The following RNF5 variants were observed in gnomAD, a reference collection of about 807,000 sequenced individuals.
RNF5 encodes ring finger protein 5.
In RNF5, 16 loss-of-function variants were observed where a neutral mutation model predicts 24.4. The observed-to-expected ratio is 0.66, with a 90% CI of 0.44 to 1.00. The LOEUF is 1.00. Ranked by LOEUF, RNF5 falls within the 50% of genes least tolerant of loss-of-function variation. RNF5 has a pLI of 0.00. For synonymous variants in RNF5, 64 were observed against 88.5 expected, an observed-to-expected ratio of 0.72 and a Z score of 1.55; for missense variants, 185 against 236.7, an observed-to-expected ratio of 0.78 and a Z score of 1.43.
In RNF5 at chr6:32,180,298, T is replaced by C; in HGVS notation, c.515T>C (p.Phe172Ser). The change falls in exon 6 of 6, where the codon TTC becomes TCC. Residue 172 changes from phenylalanine to serine, a missense_variant. Physicochemically the swap from Phe to Ser is radical, Grantham distance 155. Coordinates refer to ENST00000375094, the MANE Select transcript of RNF5 (RefSeq NM_006913.4). ...QDSLFLFLAI[F>S]FFFWLLSI ...TCCCTCTTCCTGTTTCTCGCCATCT[T>C]CTTCTTTTTTTGGCTGCTCAGTATT... The C allele has an allele frequency of 1.2e-6, 2 of 1,610,340 alleles. No homozygotes were observed. Among genetic ancestry groups the C allele is most frequent in the East Asian group, 4.5e-5 (2 of 44,886 alleles).
rs1417477895 is a variant in RNF5, at chr6:32,180,259, C to T, written c.476C>T (p.Ser159Phe). Residue 159 changes from serine (S) to phenylalanine (F), a missense_variant, in exon 6 of 6, where the codon TCC becomes TTC. By Grantham distance (155) the Ser-to-Phe change is radical. Coordinates refer to ENST00000375094, the MANE Select transcript of RNF5 (RefSeq NM_006913.4). ...GATCTGGGACAGGGTCACCCAGCCT[C>T]CAGCTGGCAGGATTCCCTCTTCCTG... is the stretch of plus-strand genomic sequence containing the variant. ...GVDLGQGHPA[S>F]SWQDSLFLFL... The T allele has an allele frequency of 2.5e-5, 41 of 1,612,020 alleles. No individual in the cohort carries two copies. Among genetic ancestry groups the T allele is most frequent in the Non-Finnish European group, 3.3e-5 (39 of 1,179,876 alleles).
chr6:32,180,357 A>G lies in RNF5; in HGVS notation c.*31A>G. ...GTCTGCTTCCTGCCCACCTCCAGCC[A>G]GAGAAGAATCAGTATTGAGGGTCCC... On this transcript the variant is annotated 3_prime_UTR_variant, in exon 6 of 6. Transcript: ENST00000375094. 1 of 1,583,590 alleles carries G rather than the reference A, an allele frequency of 6.3e-7. No individual in the cohort carries two copies. Among genetic ancestry groups the G allele is most frequent in the Non-Finnish European group, 8.6e-7 (1 of 1,165,682 alleles).
Position 32,179,437 on chromosome 6 carries a change from G to A in RNF5, c.141-104G>A. On this transcript the variant is annotated intron_variant, in intron 1 of 5. Transcript: ENST00000375094. The surrounding 1 kb of genome is among the most constrained non-coding windows in gnomAD (Gnocchi z 5.4). ...CAGAAAATCTGAAAAGCAACAGCAG[G>A]TTGCTTGGGAAGAGGGGTTAGATGG... is the stretch of plus-strand genomic sequence containing the variant. 3.5e-6 allele frequency: 5 copies of A among 1,428,122 alleles called. No individual in the cohort carries two copies. Among genetic ancestry groups the A allele is most frequent in the Non-Finnish European group, 4.9e-6 (5 of 1,019,906 alleles). 88.5% of individuals were successfully genotyped at this position (1,428,122 alleles called of 1,614,324 possible).
At chr6:32,178,696 A>G (rs751968956) in intron 1 of RNF5, 45 bp downstream of exon 1, 10 of 1,590,892 alleles carry the variant, frequency 6.3e-6, no homozygotes, top group Non-Finnish European at 6.8e-6. Flanking sequence ...TCTCGCTTAT[A>G]TACTGGAGAG....
In RNF5 at chr6:32,180,556, G is replaced by A. The variant is rs902394300; in HGVS notation, c.*230G>A. On this transcript the variant is annotated 3_prime_UTR_variant, in exon 6 of 6. Coordinates refer to ENST00000375094, the MANE Select transcript of RNF5 (RefSeq NM_006913.4). ...AACGTTGTTTAATTCTCTGCCCTGG[G>A]GAAGGAGGATGGATTGAGAGAATGT... 1.3e-4 allele frequency: 71 copies of A among 549,106 alleles called. No individual in the cohort carries two copies. The Admixed American group carries it at 2.3e-3, about 18-fold the overall frequency. The allele number at this position is 549,106 out of a possible 1,614,324, so 34.0% of individuals were successfully genotyped here. A position where few individuals can be genotyped will look rare whatever the true frequency, so the allele number is the denominator to read the frequency against.
chr6:32,178,563 C>T lies in RNF5; in HGVS notation c.52C>T (p.Arg18Trp). ...GGGCCCCGAAGGGCCAAATCGCGAG[C>T]GGGGCGGGGCGGGCGCGACCTTCGA... is the stretch of plus-strand genomic sequence containing the variant. ...DGGPEGPNRE[R>W]GGAGATFECN... is the part of the protein sequence containing the mutation. Residue 18 changes from arginine to tryptophan, a missense_variant, in exon 1 of 6, where the codon CGG becomes TGG. Physicochemically the swap from Arg to Trp is moderately radical, Grantham distance 101. Transcript: ENST00000375094. 1 of 1,604,810 alleles carries T rather than the reference C, an allele frequency of 6.2e-7. No individual in the cohort carries two copies. Among genetic ancestry groups the T allele is most frequent in the Non-Finnish European group, 8.5e-7 (1 of 1,176,034 alleles).
In RNF5 at chr6:32,179,883, A is replaced by T; in HGVS notation, c.279A>T (p.Lys93Asn). ...TCTCTCTCCACTTCCTCAGATTAAA[A>T]ACTCCACCCCGCCCCCAGGGCCAGA... ...GSQKPQDPRL[K>N]TPPRPQGQRP... Residue 93 changes from lysine to asparagine, a missense_variant, in exon 4 of 6, where the codon AAA (lysine) becomes AAT (asparagine). Transcript: ENST00000375094. This position sits in a 1 kb window ranked among gnomAD's most constrained non-coding sequence, Gnocchi z 5.4. 1.2e-6 allele frequency: 2 copies of T among 1,613,982 alleles called. No homozygotes were observed. The highest frequency in any genetic ancestry group is 2.2e-5 in the South Asian group (2 of 91,086).
chr6:32,179,220 A>G lies in RNF5; in HGVS notation c.141-321A>G, dbSNP rs3132965. On this transcript the variant is annotated intron_variant, in intron 1 of 5. Coordinates refer to ENST00000375094, the MANE Select transcript of RNF5 (RefSeq NM_006913.4). The surrounding 1 kb of genome is among the most constrained non-coding windows in gnomAD (Gnocchi z 5.4). ...GGTTGGGGTTGAAAAGAGGAGACCC[A>G]GAAAGAGGTGGCTGAAGGAAATTAG... Among the ~76,000 whole-genome samples, 27,463 of 152,070 alleles carry G rather than the reference A, an allele frequency of 0.18. 2,632 individuals carry two copies. Among genetic ancestry groups the G allele is most frequent in the Non-Finnish European group, 0.21 (14,358 of 67,974 alleles).
intron 1 of RNF5, 23 bp downstream of exon 1, chr6:32,178,674 G>T: frequency 1.2e-6 from 2 of 1,606,464 alleles, no homozygotes; most frequent in Non-Finnish European, 1.7e-6. Context: ...GAGGGGGGCG[G>T]GAGGTGGTGG....
At chr6:32,178,752 C>T (rs1186932247) in intron 1 of RNF5, 101 bp downstream of exon 1, 9 of 1,236,902 alleles carry the variant, frequency 7.3e-6, no homozygotes, top group East Asian at 2.5e-5. Context: ...TCGGAGGGCA[C>T]GTTCCCATAG....
rs1412929951 is a variant in RNF5 at position 32,179,501 on chromosome 6, T to C, written c.141-40T>C. On this transcript the variant is annotated intron_variant, in intron 1 of 5. Transcript: ENST00000375094. This position sits in a 1 kb window ranked among gnomAD's most constrained non-coding sequence, Gnocchi z 5.4. ...CTAGGGTCTGTGTCTCTCTTTTCTG[T>C]AGCTAGTTTGACCTTTTTTTTTTTT... The C allele has an allele frequency of 1.2e-6, 2 of 1,611,722 alleles. No individual in the cohort carries two copies. Among genetic ancestry groups the C allele is most frequent in the Admixed American group, 3.3e-5 (2 of 59,798 alleles).
In RNF5 at chr6:32,179,408, G is replaced by T; in HGVS notation, c.141-133G>T. The T allele has an allele frequency of 9.3e-7, 1 of 1,077,176 alleles. No individual in the cohort carries two copies. The highest frequency in any genetic ancestry group is 1.4e-6 in the Non-Finnish European group (1 of 706,082). 66.7% of individuals were successfully genotyped at this position (1,077,176 alleles called of 1,614,324 possible). ...AACTAAGTTGGCTGGCATGGTAGAG[G>T]TTGCAGAAAATCTGAAAAGCAACAG... On this transcript the variant is annotated intron_variant, in intron 1 of 5. Coordinates refer to ENST00000375094, the MANE Select transcript of RNF5 (RefSeq NM_006913.4). This position sits in a 1 kb window ranked among gnomAD's most constrained non-coding sequence, Gnocchi z 5.4.
In RNF5 at chr6:32,179,777, G is replaced by T. The variant is rs898702930; in HGVS notation, c.272+14G>T. On this transcript the variant is annotated intron_variant, in intron 3 of 5. Coordinates refer to ENST00000375094, the MANE Select transcript of RNF5 (RefSeq NM_006913.4). The surrounding 1 kb of genome is among the most constrained non-coding windows in gnomAD (Gnocchi z 5.4). ...CCAGGATCCCAGGTGAGAGACTGGA[G>T]GTGTTGCTTAGGGAAGATTGAAGGC... 1 of 1,613,630 alleles carries T rather than the reference G, an allele frequency of 6.2e-7. No individual in the cohort carries two copies. Among genetic ancestry groups the T allele is most frequent in the Non-Finnish European group, 8.5e-7 (1 of 1,179,654 alleles).
In RNF5 at chr6:32,180,342, T is replaced by C; in HGVS notation, c.*16T>C. On this transcript the variant is annotated 3_prime_UTR_variant, in exon 6 of 6. Coordinates refer to ENST00000375094, the MANE Select transcript of RNF5 (RefSeq NM_006913.4). ...CAGTATTTGAGCTATGTCTGCTTCC[T>C]GCCCACCTCCAGCCAGAGAAGAATC... 6.3e-7 allele frequency: 1 copy of C among 1,595,708 alleles called. No individual in the cohort carries two copies. The highest frequency in any genetic ancestry group is 1.1e-5 in the South Asian group (1 of 90,924).
In RNF5 at chr6:32,180,048, T is replaced by C; in HGVS notation, c.367T>C (p.Ser123Pro). 6.2e-7 allele frequency: 1 copy of C among 1,614,186 alleles called. No homozygotes were observed. The highest frequency in any genetic ancestry group is 8.5e-7 in the Non-Finnish European group (1 of 1,180,030). Residue 123 changes from serine to proline, a missense_variant, in exon 5 of 6, where the codon TCA becomes CCA. By Grantham distance (74) the Ser-to-Pro change is moderately conservative. Coordinates refer to ENST00000375094, the MANE Select transcript of RNF5 (RefSeq NM_006913.4). ...TGGTGATACCGGGGGCTTCCACTTC[T>C]CATTTGGTGTTGGTGCTTTTCCCTT... ...PFGDTGGFHF[S>P]FGVGAFPFGF...
rs759318307 is a variant in RNF5, at chr6:32,180,331, T to C, written c.*5T>C. ...TTTTGGCTGCTCAGTATTTGAGCTATGTCTGCTTCCTGCCCACCTCCAGCC... is the reference window on the plus strand; with the variant it reads ...TTTTGGCTGCTCAGTATTTGAGCTACGTCTGCTTCCTGCCCACCTCCAGCC... On this transcript the variant is annotated 3_prime_UTR_variant, in exon 6 of 6. Coordinates refer to ENST00000375094, the MANE Select transcript of RNF5 (RefSeq NM_006913.4). 1 of 1,601,722 alleles carries C rather than the reference T, an allele frequency of 6.2e-7. No homozygotes were observed. The highest frequency in any genetic ancestry group is 1.3e-5 in the African/African-American group (1 of 74,874).
Position 32,180,736 on chromosome 6 carries a change from T to G in RNF5, c.*410T>G, listed in dbSNP as rs1286001719. 3 of 336,634 alleles carry G rather than the reference T, an allele frequency of 8.9e-6. No homozygotes were observed. Among genetic ancestry groups the G allele is most frequent in the Non-Finnish European group, 1.6e-5 (3 of 184,710 alleles). The allele number at this position is 336,634 out of a possible 1,614,324, so 20.9% of individuals were successfully genotyped here. On this transcript the variant is annotated 3_prime_UTR_variant, in exon 6 of 6. Coordinates refer to ENST00000375094, the MANE Select transcript of RNF5 (RefSeq NM_006913.4). ...TCTAATATGGATTCTGACTCTTAAGTGCTTCCGCCCCCTCACTACCTCCTT... is the reference window on the plus strand; with the variant it reads ...TCTAATATGGATTCTGACTCTTAAGGGCTTCCGCCCCCTCACTACCTCCTT...
chr6:32,179,839 GA>G lies in RNF5; in HGVS notation c.273-33del. ...GAAAACGGTGTGGAAGATGGGAGGA[GA>G]AAAATCCCTGTTAACTTTCTCTCTC... On this transcript the variant is annotated intron_variant, in intron 3 of 5. Transcript: ENST00000375094. The surrounding 1 kb of genome is among the most constrained non-coding windows in gnomAD (Gnocchi z 5.4). 1 of 1,613,954 alleles carries G rather than the reference GA, an allele frequency of 6.2e-7. No homozygotes were observed. The highest frequency in any genetic ancestry group is 8.5e-7 in the Non-Finnish European group (1 of 1,179,886).
chr6:32,179,954 G>A lies in RNF5; in HGVS notation c.327+23G>A. The A allele has an allele frequency of 6.2e-7, 1 of 1,614,210 alleles. No individual in the cohort carries two copies. Among genetic ancestry groups the A allele is most frequent in the Non-Finnish European group, 8.5e-7 (1 of 1,180,036 alleles). On this transcript the variant is annotated intron_variant, in intron 4 of 5. Transcript: ENST00000375094. This position sits in a 1 kb window ranked among gnomAD's most constrained non-coding sequence, Gnocchi z 5.4. ...GGGGTGAGTCTTCTTGTCCAGTTGT[G>A]TCCCTTCCTTGACAGATTTGCCGGC...
Sources: allele counts gnomAD v4.1 joint callset (sites outside exome capture counted in the v4.1 genomes callset), GRCh38; gene constraint gnomAD v4.1.1; non-coding constraint Gnocchi (gnomAD v3.1); transcripts MANE v1.5; gene names NCBI Gene and HGNC (gene_info 2026-07-23, HGNC 2026-07-21).